Variants in ACAD11 observed in about 807,000 individuals in gnomAD.
ACAD11 encodes acyl-Coenzyme A dehydrogenase family, member 11.
ACAD11 carries 83 observed loss-of-function variants against 102.2 expected under a neutral mutation model. That is an observed-to-expected ratio of 0.81 (90% CI 0.68 to 0.97). The LOEUF is 0.97. ACAD11 is among the 50% of genes least tolerant of loss of function. ACAD11 has a pLI of 0.00. For missense variants in ACAD11, 901 were observed against 951.7 expected (o/e 0.95, Z 0.70); for synonymous variants, 324 against 319.8 (o/e 1.01, Z -0.14).
chr3:132,620,172 A>T (rs1046372988), intron 9 of ACAD11, among the ~76,000 whole-genome samples: 2 of 152,200 alleles, frequency 1.3e-5, no homozygotes, highest in African/African-American at 2.4e-5. Context: ...AAAAACAAAC[A>T]AACAGAAAAC....
At chr3:132,588,664 A>G (rs1937952072) in intron 13 of ACAD11, among the ~76,000 whole-genome samples, 1 of 152,184 alleles carries the variant, frequency 6.6e-6, no homozygotes, top group African/African-American at 2.4e-5. Context: ...CTTCAAATTT[A>G]ATGGAATCTT....
intron 9 of ACAD11, among the ~76,000 whole-genome samples, chr3:132,624,188 C>A (rs887381286): frequency 6.6e-6 from 1 of 151,802 alleles, no homozygotes; most frequent in Non-Finnish European, 1.5e-5. Flanking sequence ...TTCCTGTAAT[C>A]CCAGCTACTC....
intron 1 of ACAD11, among the ~76,000 whole-genome samples, chr3:132,645,647 T>A (rs1172503215): frequency 6.6e-6 from 1 of 152,116 alleles, no homozygotes; most frequent in African/African-American, 2.4e-5. Flanking sequence ...AATCAATCCT[T>A]AAGGTAATAG....
At chr3:132,598,680 T>A (rs1381664847) in intron 13 of ACAD11, among the ~76,000 whole-genome samples, 1 of 152,074 alleles carries the variant, frequency 6.6e-6, no homozygotes, top group Non-Finnish European at 1.5e-5. Flanking sequence ...GTATGGTAGA[T>A]AAAGGAACAG....
intron 13 of ACAD11, among the ~76,000 whole-genome samples, chr3:132,599,994 C>T: frequency 6.6e-6 from 1 of 152,028 alleles, no homozygotes; most frequent in Non-Finnish European, 1.5e-5. Context: ...TTACGATTCA[C>T]AAAATTATGT....
chr3:132,607,505 A>G (rs1938901085), intron 11 of ACAD11, among the ~76,000 whole-genome samples: 1 of 151,966 alleles, frequency 6.6e-6, no homozygotes, highest in African/African-American at 2.4e-5. Context: ...TGAATCAATC[A>G]AGTGAAAGAA....
At chr3:132,577,585 G>A (rs533428949) in intron 15 of ACAD11, among the ~76,000 whole-genome samples, 1 of 152,238 alleles carries the variant, frequency 6.6e-6, no homozygotes, top group East Asian at 1.9e-4. Flanking sequence ...TTCGTCTCTT[G>A]AAAATACTGG....
At chr3:132,609,121 C>T (rs1319992418) in intron 11 of ACAD11, among the ~76,000 whole-genome samples, 1 of 152,136 alleles carries the variant, frequency 6.6e-6, no homozygotes, top group East Asian at 1.9e-4. Context: ...GTACCAGAAT[C>T]TCTGGGACAC....
chr3:132,639,972 ACACACACGCACACACACACTCTCTCT>A (rs1165251329), intron 4 of ACAD11, among the ~76,000 whole-genome samples: 1 of 151,122 alleles, frequency 6.6e-6, no homozygotes, highest in South Asian at 2.1e-4. Flanking sequence ...GCATACAAAC[ACACACACGCACACACACACTCTCTCT>A]CACACACACA....
intron 9 of ACAD11, among the ~76,000 whole-genome samples, chr3:132,623,298 T>G (rs1012254629): frequency 1.1e-4 from 17 of 152,314 alleles, no homozygotes; most frequent in African/African-American, 4.1e-4. Context: ...CAACCTATTT[T>G]CTAGAAATGA....
At chr3:132,639,174 G>A (rs1332821344) in intron 5 of ACAD11, among the ~76,000 whole-genome samples, 2 of 152,136 alleles carry the variant, frequency 1.3e-5, no homozygotes, top group Non-Finnish European at 2.9e-5. Context: ...GCAAGAACAT[G>A]GATAAGCTAA....
chr3:132,596,343 G>A (rs760613666), intron 13 of ACAD11, among the ~76,000 whole-genome samples: 1 of 152,098 alleles, frequency 6.6e-6, no homozygotes, highest in Non-Finnish European at 1.5e-5. Context: ...ATACCTGGGT[G>A]ATAAAATAAT....
At position 132,608,732 on chromosome 3, in the gene ACAD11, A is replaced by G. The variant is rs149383341; in HGVS notation, c.1415-3527T>C. ...CCCATTGTCAATATCAGACAGGTCGACGAGACAGAAAATTAACAAGGATAT... is the reference window on the plus strand; with the variant it reads ...CCCATTGTCAATATCAGACAGGTCGGCGAGACAGAAAATTAACAAGGATAT... On this transcript the variant is annotated intron_variant, in intron 11 of 19. Transcript: ENST00000264990. Among the ~76,000 whole-genome samples, 596 of 152,298 alleles carry G rather than the reference A, an allele frequency of 3.9e-3. 6 individuals are homozygous for G. Among genetic ancestry groups the G allele is most frequent in the African/African-American group, 0.013 (534 of 41,560 alleles).
chr3:132,624,252 G>C (rs1939714767), intron 9 of ACAD11, among the ~76,000 whole-genome samples: 1 of 149,482 alleles, frequency 6.7e-6, no homozygotes, highest in Non-Finnish European at 1.5e-5. Context: ...GCTGCAGTGA[G>C]ATAGCATCAC....
At chr3:132,611,460 T>G (rs1939142654) in intron 11 of ACAD11, among the ~76,000 whole-genome samples, 1 of 152,152 alleles carries the variant, frequency 6.6e-6, no homozygotes, top group Admixed American at 6.5e-5. Flanking sequence ...GACATGAGTA[T>G]ATATCTAGAA....
intron 1 of ACAD11, 132 bp downstream of exon 1, chr3:132,659,471 T>G: frequency 7.6e-7 from 1 of 1,323,328 alleles, no homozygotes; most frequent in Non-Finnish European, 1.0e-6. Context: ...AGCTCATGCC[T>G]GTAGGGTGCG....
intron 1 of ACAD11, among the ~76,000 whole-genome samples, chr3:132,656,495 AT>A (rs34116314): frequency 8.6e-4 from 126 of 145,694 alleles, no homozygotes; most frequent in Non-Finnish European, 8.8e-4. Context: ...ATATTGTCAG[AT>A]TTTTTTTTTT....
chr3:132,642,180 C>G (rs1940552454), intron 3 of ACAD11, 47 bp from the exon 4 acceptor site: 2 of 1,502,182 alleles, frequency 1.3e-6, no homozygotes, highest in Non-Finnish European at 1.8e-6. Flanking sequence ...ATAATCAATA[C>G]TTTGTCGAAT....
intron 13 of ACAD11, among the ~76,000 whole-genome samples, chr3:132,587,967 C>T (rs1171144672): frequency 6.6e-6 from 1 of 152,168 alleles, no homozygotes; most frequent in South Asian, 2.1e-4. Flanking sequence ...ATACCCACCT[C>T]ATTTCCCAGC....
Sources: allele counts gnomAD v4.1 joint callset (sites outside exome capture counted in the v4.1 genomes callset), GRCh38; gene constraint gnomAD v4.1.1; transcripts MANE v1.5; gene names NCBI Gene and HGNC (gene_info 2026-07-23, HGNC 2026-07-21).